CCDC77: variants seen among roughly 807,000 people sequenced by gnomAD.
The protein encoded by CCDC77 is coiled-coil domain-containing protein 77.
Under a neutral mutation model 66.8 loss-of-function variants are expected in CCDC77, and 56 were observed. The observed-to-expected ratio is 0.84, with a 90% confidence interval of 0.68 to 1.05. The LOEUF (loss-of-function observed/expected upper bound fraction) is 1.05, where lower values mean the gene tolerates loss of function less well. CCDC77 is among the 50% of genes least tolerant of loss of function. CCDC77 has a pLI of 0.00. For synonymous variants in CCDC77, 196 were observed against 195.2 expected, an observed-to-expected ratio of 1.00 and a Z score of -0.03; for missense variants, 570 against 576.8, an observed-to-expected ratio of 0.99 and a Z score of 0.12.
At chr12:416,387 A>ATGTG (rs1565569246) in intron 4 of CCDC77, among the ~76,000 whole-genome samples, 1 of 42,458 alleles carries the variant, frequency 2.4e-5, no homozygotes, top group East Asian at 8.6e-4. Context: ...GTATATATAT[A>ATGTG]TATATATATA....
intron 5 of CCDC77, among the ~76,000 whole-genome samples, chr12:425,170 A>G (rs746560664): frequency 1.3e-5 from 2 of 151,546 alleles, no homozygotes; most frequent in East Asian, 1.9e-4. Flanking sequence ...AGCTCAAGCA[A>G]TCTGCCCTCC....
In CCDC77 at chr12:418,492, A is replaced by C; in HGVS notation, c.271-2A>C. The C allele has an allele frequency of 6.2e-7, 1 of 1,613,624 alleles. No individual in the cohort carries two copies. The highest frequency in any genetic ancestry group is 8.5e-7 in the Non-Finnish European group (1 of 1,179,818). On this transcript the variant is annotated splice_acceptor_variant, in intron 4 of 12. Coordinates refer to ENST00000239830, the MANE Select transcript of CCDC77 (RefSeq NM_032358.4). LOFTEE classifies it high-confidence loss of function. ...AACTATCTTATTGTGGTTTTTTTGC[A>C]GCATAAACTTGAATGTGATTTGCAG... is the stretch of plus-strand genomic sequence containing the variant.
At chr12:431,496 C>T (rs1370352752) in intron 7 of CCDC77, among the ~76,000 whole-genome samples, 1 of 152,120 alleles carries the variant, frequency 6.6e-6, no homozygotes, top group Non-Finnish European at 1.5e-5. Flanking sequence ...TCCCAAAGCA[C>T]TGAGATTACA....
At chr12:396,670 G>A (rs1475119154), upstream of CCDC77, among the ~76,000 whole-genome samples, 1 of 152,122 alleles carries the variant, frequency 6.6e-6, no homozygotes, top group African/African-American at 2.4e-5. Context: ...TATTTGAGTT[G>A]GCTCTCGTAA....
chr12:409,294 A>T, intron 2 of CCDC77, 74 bp from the exon 3 acceptor site: 1 of 983,626 alleles, frequency 1.0e-6, no homozygotes, highest in Non-Finnish European at 1.6e-6. Flanking sequence ...TTGAAGAGGG[A>T]ACCAGTCTAA....
At chr12:415,495 AATTATTAAC>A (rs1945233622) in intron 4 of CCDC77, among the ~76,000 whole-genome samples, 2 of 147,872 alleles carry the variant, frequency 1.4e-5, no homozygotes, top group African/African-American at 2.5e-5. Flanking sequence ...TTATTAACAT[AATTATTAAC>A]ATAATATGTT....
intron 1 of CCDC77, chr12:389,571 C>CGAGGCGGGGCGAGGCGGGACGAGGCGG (rs57308009): frequency 8.9e-6 from 2 of 223,942 alleles, no homozygotes; most frequent in Non-Finnish European, 9.2e-6. Flanking sequence ...GGGCGAGGCG[C>CGAGGCGGGGCGAGGCGGGACGAGGCGG]AACGAGGCGG....
In CCDC77 at chr12:418,777, G is replaced by A. The variant is rs1014530097; in HGVS notation, c.413+141G>A. On this transcript the variant is annotated intron_variant, in intron 5 of 12. Transcript: ENST00000239830. ...TACAGTGGCGCTCTCTTGGCTCACTGCAGCCTCCACCTCCTGGTTCCAGCG... is the reference window on the plus strand; with the variant it reads ...TACAGTGGCGCTCTCTTGGCTCACTACAGCCTCCACCTCCTGGTTCCAGCG... The A allele has an allele frequency of 1.1e-5, 9 of 824,224 alleles. No individual in the cohort carries two copies. In the East Asian group the frequency reaches 2.2e-4, roughly 20 times the overall value. The allele number at this position is 824,224 out of a possible 1,614,324, so 51.1% of individuals were successfully genotyped here.
At chr12:406,605 C>T (rs4980893) in intron 2 of CCDC77, among the ~76,000 whole-genome samples, 18,801 of 151,958 alleles carry the variant, frequency 0.12, 2,203 homozygotes, top group East Asian at 0.43. Flanking sequence ...TGTTTTGACA[C>T]ATATATATTA....
intron 5 of CCDC77, 142 bp downstream of exon 5, chr12:418,778 C>T: frequency 1.2e-6 from 1 of 800,466 alleles, no homozygotes; most frequent in Non-Finnish European, 2.0e-6. Flanking sequence ...TGGCTCACTG[C>T]AGCCTCCACC....
chr12:409,238 A>G (rs1486347545), intron 2 of CCDC77, 130 bp from the exon 3 acceptor site: 1 of 667,598 alleles, frequency 1.5e-6, no homozygotes, highest in East Asian at 2.8e-5. Flanking sequence ...AAAAAAAACT[A>G]CATTTTAAAA....
chr12:439,172 T>A (rs2137622883), intron 10 of CCDC77, among the ~76,000 whole-genome samples: 1 of 152,316 alleles, frequency 6.6e-6, no homozygotes, highest in South Asian at 2.1e-4. Context: ...TCCCTCATGG[T>A]GTTTACATTT....
Position 411,785 on chromosome 12 carries a change from G to A in CCDC77, c.77G>A (p.Gly26Asp). 3 of 1,614,018 alleles carry A rather than the reference G, an allele frequency of 1.9e-6. No individual in the cohort carries two copies. The highest frequency in any genetic ancestry group is 2.5e-6 in the Non-Finnish European group (3 of 1,179,980). The part of the protein sequence containing the change: ...VVSKRGVAVS[G>D]PTKRRGMADS... ...TCCAAACGTGGTGTTGCCGTCAGTG[G>A]TCCCACCAAGAGGAGGGGAATGGCA... Residue 26 changes from glycine to aspartate, a missense_variant, in exon 4 of 13, where the codon GGT (glycine) becomes GAT (aspartate). By Grantham distance (94) the Gly-to-Asp change is moderately conservative. Coordinates refer to ENST00000239830, the MANE Select transcript of CCDC77 (RefSeq NM_032358.4).
intron 9 of CCDC77, chr12:436,887 TGA>T: frequency 1.3e-5 from 4 of 304,990 alleles, no homozygotes; most frequent in Non-Finnish European, 1.9e-5. Flanking sequence ...AGTTTGAGAT[TGA>T]GAAGATAATG....
chr12:409,210 CAAA>C (rs58177258), intron 2 of CCDC77, among the ~76,000 whole-genome samples, 155 bp from the exon 3 acceptor site: 4 of 82,968 alleles, frequency 4.8e-5, no homozygotes, highest in Admixed American at 1.3e-4. Context: ...GACACTGTCT[CAAA>C]AAAAAAAAAA....
chr12:415,327 CATAATATTATGTTAATATAATCAACATA>C lies in CCDC77; in HGVS notation c.271-3163_271-3136del, dbSNP rs1565567891. 1.8e-4 allele frequency among the ~76,000 whole-genome samples: 16 copies of C among 90,316 alleles called. 1 individual carries two copies. Among genetic ancestry groups the C allele is most frequent in the South Asian group, 4.1e-4 (1 of 2,420 alleles). The allele number at this position is 90,316 out of a possible 152,430, so 59.3% of individuals were successfully genotyped here. A position where few individuals can be genotyped will look rare whatever the true frequency, so the allele number is the denominator to read the frequency against. On this transcript the variant is annotated intron_variant, in intron 4 of 12. Coordinates refer to ENST00000239830, the MANE Select transcript of CCDC77 (RefSeq NM_032358.4). Reference sequence around the variant, plus strand: ...CATAATATTATGTTAATATAATCAACATAATATTATGTTAATATAATCAACATAATATTATGTTAATATAATCAACATA... The same window carrying C: ...CATAATATTATGTTAATATAATCAACATATTATGTTAATATAATCAACATA...
At chr12:410,778 T>G (rs1050008250) in intron 3 of CCDC77, among the ~76,000 whole-genome samples, 2 of 152,134 alleles carry the variant, frequency 1.3e-5, no homozygotes, top group African/African-American at 4.8e-5. Flanking sequence ...ACTCCTGACC[T>G]CAACTAATTT....
chr12:416,398 T>TA (rs1945281301), intron 4 of CCDC77, among the ~76,000 whole-genome samples: 2 of 57,494 alleles, frequency 3.5e-5, no homozygotes, highest in Non-Finnish European at 7.0e-5. Context: ...TATATATATA[T>TA]ATATATATAT....
intron 1 of CCDC77, chr12:389,512 CTCT>C (rs1280274505): frequency 5.3e-6 from 1 of 187,224 alleles, no homozygotes; most frequent in Non-Finnish European, 1.1e-5. Context: ...GGGGCACAAG[CTCT>C]TCTTTACTAG....
Sources: allele counts gnomAD v4.1 joint callset (sites outside exome capture counted in the v4.1 genomes callset), GRCh38; gene constraint gnomAD v4.1.1; transcripts MANE v1.5; gene names NCBI Gene and HGNC (gene_info 2026-07-23, HGNC 2026-07-21).